Variants in CDC42BPB observed in about 807,000 individuals in gnomAD.
The protein encoded by CDC42BPB is serine/threonine-protein kinase MRCK beta.
A neutral mutation model predicts 214.9 loss-of-function variants in CDC42BPB; 37 were observed. That is an observed-to-expected ratio of 0.17 (90% CI 0.13 to 0.23). CDC42BPB has a LOEUF of 0.23. CDC42BPB is among the 10% of genes least tolerant of loss of function. The pLI, the probability that CDC42BPB is intolerant of heterozygous loss-of-function variation, is 1.00. For synonymous variants in CDC42BPB, 931 were observed against 884.0 expected, an observed-to-expected ratio of 1.05 and a Z score of -0.94; for missense variants, 1,694 against 2,227.0, an observed-to-expected ratio of 0.76 and a Z score of 4.82.
Position 102,938,374 on chromosome 14 carries a change from G to A in CDC42BPB, c.4865C>T (p.Pro1622Leu), listed in dbSNP as rs755838432. 1.9e-6 allele frequency: 3 copies of A among 1,566,712 alleles called. No individual in the cohort carries two copies. The highest frequency in any genetic ancestry group is 2.0e-5 in the Admixed American group (1 of 50,552). Residue 1622 changes from proline to leucine, a missense_variant, in exon 35 of 37, where the codon CCC (proline) becomes CTC (leucine). Pro to Leu is a moderately conservative substitution (Grantham distance 98, BLOSUM62 -3). Around this residue, in one of 7 missense-constraint regions of CDC42BPB, gnomAD observed 146 missense variants for 134.1 expected, o/e 1.09. Transcript: ENST00000361246. ...CTGGCGAGCCAGGTTGGTGGGAGCG[G>A]GGCCCGGCCTTTCCTCCTGGGAGGG... ...VPPSQEERPG[P>L]APTNLARQPP...
At chr14:102,966,536 G>C in intron 17 of CDC42BPB, 149 bp from the exon 18 acceptor site, 1 of 1,431,784 alleles carries the variant, frequency 7.0e-7, no homozygotes, top group Non-Finnish European at 9.2e-7. Flanking sequence ...GTATACACGG[G>C]ATCTCATTGA....
At chr14:103,018,008 C>T (rs540842629) in intron 1 of CDC42BPB, among the ~76,000 whole-genome samples, 3 of 152,266 alleles carry the variant, frequency 2.0e-5, no homozygotes, top group South Asian at 4.2e-4. Flanking sequence ...TCCACAGACC[C>T]GTAGGGGGGT....
intron 18 of CDC42BPB, 176 bp from the exon 19 acceptor site, chr14:102,964,826 T>TA: frequency 2.2e-6 from 2 of 903,012 alleles, no homozygotes; most frequent in Non-Finnish European, 2.6e-6. Flanking sequence ...TGACTTTTTT[T>TA]ACTCTTCCTC....
chr14:103,053,602 A>C (rs1001927439), intron 1 of CDC42BPB, among the ~76,000 whole-genome samples: 5 of 150,188 alleles, frequency 3.3e-5, no homozygotes, highest in South Asian at 2.1e-4. Context: ...TCTACTAAAA[A>C]TACAAAAAAA....
intron 5 of CDC42BPB, among the ~76,000 whole-genome samples, chr14:102,990,053 G>T (rs1376268538): frequency 2.0e-5 from 3 of 152,168 alleles, no homozygotes; most frequent in African/African-American, 7.2e-5. Flanking sequence ...AGGTGGGCAG[G>T]ATAAAGAAGG....
chr14:102,979,412 A>G (rs78559418), intron 8 of CDC42BPB, among the ~76,000 whole-genome samples: 1 of 152,070 alleles, frequency 6.6e-6, no homozygotes, highest in East Asian at 1.9e-4. Context: ...GGGTTTCACC[A>G]TGTTGGCTAG....
chr14:103,023,074 G>C (rs1300338419), intron 1 of CDC42BPB, among the ~76,000 whole-genome samples: 2 of 150,598 alleles, frequency 1.3e-5, no homozygotes, highest in Non-Finnish European at 3.0e-5. Flanking sequence ...GCGTGATCAC[G>C]GCTCACTCCC....
intron 25 of CDC42BPB, 69 bp from the exon 26 acceptor site, chr14:102,949,973 G>A (rs377523502): frequency 8.8e-6 from 14 of 1,588,144 alleles, no homozygotes; most frequent in African/African-American, 5.4e-5. Context: ...CATTACACTC[G>A]TTCACAATCT....
chr14:103,003,472 C>A (rs1262185052), intron 4 of CDC42BPB, among the ~76,000 whole-genome samples: 2 of 152,192 alleles, frequency 1.3e-5, no homozygotes, highest in African/African-American at 2.4e-5. Flanking sequence ...GACTAAGAGT[C>A]ACCTAAAACC....
In CDC42BPB at chr14:102,944,127, G is replaced by A. The variant is rs529138453; in HGVS notation, c.4172C>T (p.Pro1391Leu). The A allele has an allele frequency of 1.1e-5, 17 of 1,613,290 alleles. 1 individual carries two copies. In the South Asian group the frequency reaches 1.6e-4, roughly 16 times the overall value. ...VLRDRLCVGY[P>L]SGFCLLSIQG... ...GATGCTCAGCAGGCAGAACCCAGAAGGGTAGCCCACACAGAGCCTGTCCCT... is the reference window on the plus strand; with the variant it reads ...GATGCTCAGCAGGCAGAACCCAGAAAGGTAGCCCACACAGAGCCTGTCCCT... The change falls in exon 30 of 37, where the codon CCT becomes CTT. Residue 1391 changes from proline to leucine, a missense_variant. Physicochemically the swap from Pro to Leu is moderately conservative, Grantham distance 98. This residue lies in a region of CDC42BPB where 567 missense variants were observed against 790.3 expected (regional missense o/e 0.72). Transcript: ENST00000361246. The surrounding 1 kb of genome is among the most constrained non-coding windows in gnomAD (Gnocchi z 6.6).
intron 9 of CDC42BPB, 126 bp downstream of exon 9, chr14:102,978,000 C>T: frequency 2.9e-6 from 2 of 698,288 alleles, no homozygotes; most frequent in Non-Finnish European, 5.1e-6. Context: ...CTCCATCTCC[C>T]TTAAGTAATG....
intron 1 of CDC42BPB, among the ~76,000 whole-genome samples, chr14:103,034,390 A>T (rs1887552281): frequency 6.6e-6 from 1 of 152,218 alleles, no homozygotes; most frequent in Admixed American, 6.5e-5. Context: ...AAAAATGAAA[A>T]CATTTAAAGT....
chr14:102,938,328 G>A lies in CDC42BPB; in HGVS notation c.4911C>T (p.Pro1637=), dbSNP rs1362396798. 1 of 1,607,330 alleles carries A rather than the reference G, an allele frequency of 6.2e-7. No individual in the cohort carries two copies. The highest frequency in any genetic ancestry group is 2.2e-5 in the East Asian group (1 of 44,780). ...TACCTGATGAGGGCCACGAGATGTA[G>A]GGCTTGTTCCTGGATGGAGGCTGGC... The part of the protein sequence containing the change: ...LARQPPSRNK[P]YISWPSSGGS... The change falls in exon 35 of 37, where the codon CCC becomes CCT. Residue 1637 remains proline (P), a synonymous_variant. Coordinates refer to ENST00000361246, the MANE Select transcript of CDC42BPB (RefSeq NM_006035.4).
chr14:102,945,576 C>A (rs1483461844), intron 29 of CDC42BPB, 86 bp downstream of exon 29: 12 of 1,246,184 alleles, frequency 9.6e-6, no homozygotes, highest in Non-Finnish European at 1.3e-5. Context: ...TTTGTCTTAA[C>A]CCTTAGGAGC....
chr14:102,973,753 T>C (rs978855169), intron 12 of CDC42BPB, among the ~76,000 whole-genome samples: 3 of 152,316 alleles, frequency 2.0e-5, no homozygotes, highest in Non-Finnish European at 2.9e-5. Context: ...GAGAGGCTGA[T>C]TGCGAGGTGG....
chr14:102,986,500 T>C lies in CDC42BPB; in HGVS notation c.677A>G (p.Asn226Ser). 2.5e-6 allele frequency: 4 copies of C among 1,613,422 alleles called. No homozygotes were observed. The highest frequency in any genetic ancestry group is 3.4e-6 in the Non-Finnish European group (4 of 1,179,432). ...LADFGSCLKMNDDGTVQSSVA... is the reference protein window; with the variant it reads ...LADFGSCLKMSDDGTVQSSVA... ...AAAAATACCTACAGTGCCATCATCA[T>C]TCATCTTCAAACATGATCCAAAGTC... Residue 226 changes from asparagine to serine, a missense_variant, in exon 6 of 37, where the codon AAT becomes AGT. This residue lies in a region of CDC42BPB where 225 missense variants were observed against 459.3 expected (regional missense o/e 0.49). Coordinates refer to ENST00000361246, the MANE Select transcript of CDC42BPB (RefSeq NM_006035.4).
At chr14:102,979,308 G>GT (rs1373797549) in intron 8 of CDC42BPB, among the ~76,000 whole-genome samples, 1 of 151,822 alleles carries the variant, frequency 6.6e-6, no homozygotes, top group African/African-American at 2.4e-5. Flanking sequence ...CACCTCTTGG[G>GT]TTCAAGTGAT....
intron 36 of CDC42BPB, among the ~76,000 whole-genome samples, chr14:102,934,684 C>T (rs1270983768): frequency 6.6e-6 from 1 of 152,070 alleles, no homozygotes; most frequent in Non-Finnish European, 1.5e-5. Context: ...AACAGCTAAC[C>T]ATACCCAATG....
chr14:102,976,402 G>A (rs1249536721), intron 9 of CDC42BPB, among the ~76,000 whole-genome samples: 5 of 152,356 alleles, frequency 3.3e-5, no homozygotes, highest in East Asian at 1.9e-4. Context: ...TCAGCGGTAC[G>A]CATGGACCAC....
Sources: allele counts gnomAD v4.1 joint callset (sites outside exome capture counted in the v4.1 genomes callset), GRCh38; gene constraint gnomAD v4.1.1; regional missense constraint gnomAD v4.1.1; non-coding constraint Gnocchi (gnomAD v3.1); transcripts MANE v1.5; gene names NCBI Gene and HGNC (gene_info 2026-07-23, HGNC 2026-07-21).